Variants in UBE2E2 observed in about 807,000 individuals in gnomAD.
The protein encoded by UBE2E2 is ubiquitin-conjugating enzyme E2 E2.
UBE2E2 carries 6 observed loss-of-function variants against 24.7 expected under a neutral mutation model. That is an observed-to-expected ratio of 0.24 (90% CI 0.13 to 0.48). UBE2E2 has a LOEUF of 0.48. Ranked by LOEUF, UBE2E2 falls within the 20% of genes least tolerant of loss-of-function variation. The probability of loss-of-function intolerance (pLI) is 0.99; values close to 1 mark genes in which losing one functional copy is unlikely to be tolerated. For synonymous variants in UBE2E2, 104 were observed against 83.6 expected (o/e 1.24, Z -1.33); for missense variants, 169 against 245.0 (o/e 0.69, Z 2.07).
At chr3:23,252,725 G>C (rs1697608207) in intron 3 of UBE2E2, among the ~76,000 whole-genome samples, 1 of 152,148 alleles carries the variant, frequency 6.6e-6, no homozygotes, top group Non-Finnish European at 1.5e-5. Context: ...TTGAACTCCT[G>C]ATCTCTGGTG....
chr3:23,430,656 C>A (rs1698039759), intron 3 of UBE2E2, among the ~76,000 whole-genome samples: 1 of 152,068 alleles, frequency 6.6e-6, no homozygotes. Context: ...GTAGCTAGGA[C>A]TACAGGCATG....
At chr3:23,435,120 C>G (rs1698152258) in intron 3 of UBE2E2, among the ~76,000 whole-genome samples, 1 of 152,062 alleles carries the variant, frequency 6.6e-6, no homozygotes, top group Non-Finnish European at 1.5e-5. Context: ...AAAATCTGGC[C>G]TGTTATTTAT....
chr3:23,450,601 A>G (rs1289449056), intron 3 of UBE2E2, among the ~76,000 whole-genome samples: 1 of 152,194 alleles, frequency 6.6e-6, no homozygotes, highest in African/African-American at 2.4e-5. Flanking sequence ...AAATGTATTC[A>G]CCAACATTGC....
intron 3 of UBE2E2, among the ~76,000 whole-genome samples, chr3:23,381,197 T>G (rs1401395581): frequency 1.3e-5 from 2 of 152,264 alleles, no homozygotes; most frequent in African/African-American, 4.8e-5. Flanking sequence ...GATCATATTT[T>G]CATCTGTCTT....
chr3:23,554,342 T>A (rs930047020), intron 5 of UBE2E2, among the ~76,000 whole-genome samples: 5 of 152,006 alleles, frequency 3.3e-5, no homozygotes, highest in African/African-American at 9.7e-5. Flanking sequence ...GGAAACTGGA[T>A]TGCCACATGT....
intron 3 of UBE2E2, among the ~76,000 whole-genome samples, chr3:23,487,851 G>A (rs1372297776): frequency 1.3e-5 from 2 of 152,086 alleles, no homozygotes; most frequent in East Asian, 1.9e-4. Context: ...GTCTCTGTGT[G>A]CAGGTCACTT....
At chr3:23,252,556 G>A (rs1697604032) in intron 3 of UBE2E2, among the ~76,000 whole-genome samples, 1 of 152,152 alleles carries the variant, frequency 6.6e-6, no homozygotes, top group Non-Finnish European at 1.5e-5. Context: ...GAGTGCAGTA[G>A]CACGATCTCA....
chr3:23,285,146 C>G (rs1698587795), intron 3 of UBE2E2, among the ~76,000 whole-genome samples: 1 of 152,010 alleles, frequency 6.6e-6, no homozygotes, highest in Non-Finnish European at 1.5e-5. Context: ...CTTTCTTTGC[C>G]TCATTTATTT....
rs553803128 is a variant in UBE2E2, at chr3:23,513,981, G to T, written c.360+14241G>T. Among the ~76,000 whole-genome samples the T allele has an allele frequency of 2.0e-5, 3 of 152,236 alleles. No homozygotes were observed. The South Asian group carries it at 6.2e-4, about 32-fold the overall frequency. On this transcript the variant is annotated intron_variant, in intron 4 of 5. Transcript: ENST00000396703. ...TCACATCTTTAACTGTCAGTGATTT[G>T]TCACTGCCCTGCTTAAAACTCTTCA...
At chr3:23,431,654 A>T (rs1303480762) in intron 3 of UBE2E2, among the ~76,000 whole-genome samples, 1 of 152,188 alleles carries the variant, frequency 6.6e-6, no homozygotes, top group Non-Finnish European at 1.5e-5. Flanking sequence ...ACATCTTCAG[A>T]TCTCCTCTTT....
At chr3:23,292,903 G>A (rs1440869054) in intron 3 of UBE2E2, among the ~76,000 whole-genome samples, 12 of 152,102 alleles carry the variant, frequency 7.9e-5, no homozygotes, top group Non-Finnish European at 1.3e-4. Flanking sequence ...GTGAAACCCC[G>A]TCTCTACTAA....
chr3:23,252,285 G>A (rs963407114), intron 3 of UBE2E2, among the ~76,000 whole-genome samples: 2 of 152,078 alleles, frequency 1.3e-5, no homozygotes, highest in Non-Finnish European at 2.9e-5. Context: ...GTGTATGATG[G>A]TGTGAGTTAT....
intron 3 of UBE2E2, among the ~76,000 whole-genome samples, chr3:23,485,337 C>G (rs954600207): frequency 6.6e-6 from 1 of 152,072 alleles, no homozygotes; most frequent in Non-Finnish European, 1.5e-5. Context: ...GTCAAGTGAT[C>G]CACCCACCTC....
chr3:23,284,712 TTATATA>T (rs1020308074), intron 3 of UBE2E2, among the ~76,000 whole-genome samples: 6 of 151,298 alleles, frequency 4.0e-5, no homozygotes, highest in Non-Finnish European at 7.4e-5. Flanking sequence ...TAGGTGGTGA[TTATATA>T]TATATATTTA....
chr3:23,487,383 C>T (rs932541219), intron 3 of UBE2E2, among the ~76,000 whole-genome samples: 1 of 152,188 alleles, frequency 6.6e-6, no homozygotes, highest in Non-Finnish European at 1.5e-5. Context: ...GAAGTGCAGG[C>T]TCCCACCCTA....
At chr3:23,270,066 G>A (rs1263871004) in intron 3 of UBE2E2, among the ~76,000 whole-genome samples, 1 of 151,726 alleles carries the variant, frequency 6.6e-6, no homozygotes. Flanking sequence ...TTTCCTGTCT[G>A]GCTACCACCC....
intron 3 of UBE2E2, among the ~76,000 whole-genome samples, chr3:23,333,011 C>A (rs1695106749): frequency 6.6e-6 from 1 of 152,148 alleles, no homozygotes; most frequent in Non-Finnish European, 1.5e-5. Context: ...GTGAAAATTA[C>A]TAGGAAAAGT....
At chr3:23,570,960 C>G (rs1226245998) in intron 5 of UBE2E2, among the ~76,000 whole-genome samples, 1 of 152,020 alleles carries the variant, frequency 6.6e-6, no homozygotes, top group East Asian at 1.9e-4. Context: ...AAATCAAGTC[C>G]TGATTTTGTA....
At chr3:23,522,711 G>A (rs192404453) in intron 4 of UBE2E2, among the ~76,000 whole-genome samples, 7 of 152,136 alleles carry the variant, frequency 4.6e-5, no homozygotes, top group Non-Finnish European at 1.5e-5. Context: ...ATCTGTAGGA[G>A]ACTTCTATGA....
Sources: gnomAD v4.1 joint callset for allele counts (sites outside exome capture counted in the v4.1 genomes callset) on GRCh38, gnomAD v4.1.1 for gene constraint, MANE v1.5 for transcripts, NCBI Gene and HGNC (gene_info 2026-07-23, HGNC 2026-07-21) for gene names.